Variants in ZNF724 observed in about 807,000 individuals in gnomAD.
ZNF724 encodes zinc finger protein 724, also known as zinc finger protein 724 pseudogene.
ZNF724 carries 14 observed loss-of-function variants against 29.3 expected under a neutral mutation model. The observed-to-expected ratio is 0.48, with a 90% CI of 0.32 to 0.75. The LOEUF (loss-of-function observed/expected upper bound fraction) is 0.75, where lower values mean the gene tolerates loss of function less well. Among genes scored for constraint, ZNF724 ranks in the 30% least tolerant of loss-of-function variants. The probability of loss-of-function intolerance (pLI) is 0.04; values close to 1 mark genes in which losing one functional copy is unlikely to be tolerated. For missense variants in ZNF724, 557 were observed against 571.2 expected, an observed-to-expected ratio of 0.98 and a Z score of 0.25; for synonymous variants, 180 against 193.6, an observed-to-expected ratio of 0.93 and a Z score of 0.58.
At chr19:23,225,406 A>C (rs936848165) in intron 3 of ZNF724, among the ~76,000 whole-genome samples, 1 of 152,128 alleles carries the variant, frequency 6.6e-6, no homozygotes, top group African/African-American at 2.4e-5. Context: ...GGAGTTCCAG[A>C]CCAGCCCGGG....
intron 3 of ZNF724, among the ~76,000 whole-genome samples, chr19:23,225,954 T>C (rs1275612787): frequency 6.6e-6 from 1 of 151,928 alleles, no homozygotes; most frequent in African/African-American, 2.4e-5. Flanking sequence ...CAGCCTCAAG[T>C]AATCCTACCC....
In ZNF724 at chr19:23,237,627, G is replaced by A. The variant is rs576328378; in HGVS notation, c.4-5334C>T. Among the ~76,000 whole-genome samples the A allele has an allele frequency of 8.0e-5, 12 of 150,686 alleles. No homozygotes were observed. The South Asian group carries it at 1.5e-3, about 18-fold the overall frequency. Reference sequence around the variant, plus strand: ...TAGAAAATACCGTATAATTTAGGTCGGGCGCAGTGGCTCATGCCCGTAATC... The same window carrying A: ...TAGAAAATACCGTATAATTTAGGTCAGGCGCAGTGGCTCATGCCCGTAATC... On this transcript the variant is annotated intron_variant, in intron 1 of 3. Coordinates refer to ENST00000418100, the MANE Select transcript of ZNF724 (RefSeq NM_001355404.2).
Position 23,223,554 on chromosome 19 carries a change from A to C in ZNF724, c.691T>G (p.Cys231Gly). 1 of 729,200 alleles carries C rather than the reference A, an allele frequency of 1.4e-6. No individual in the cohort carries two copies. The highest frequency in any genetic ancestry group is 2.5e-6 in the Non-Finnish European group (1 of 392,804). 45.2% of individuals were successfully genotyped at this position (729,200 alleles called of 1,614,324 possible). A position where few individuals can be genotyped will look rare whatever the true frequency, so the allele number is the denominator to read the frequency against. Reference sequence around the variant, plus strand: ...GAGGACTTGTTAAAGGCTATGCCACATTCTTCACATTTGTAGTGTTTTTGT... The same window carrying C: ...GAGGACTTGTTAAAGGCTATGCCACCTTCTTCACATTTGTAGTGTTTTTGT... ...TGQKHYKCEECGIAFNKSSHL... is the reference protein window; with the variant it reads ...TGQKHYKCEEGGIAFNKSSHL... Residue 231 changes from cysteine (C) to glycine (G), a missense_variant, in exon 4 of 4, where the codon TGT becomes GGT. Transcript: ENST00000418100.
intron 1 of ZNF724, among the ~76,000 whole-genome samples, chr19:23,239,117 C>T (rs1389953092): frequency 6.6e-6 from 1 of 152,174 alleles, no homozygotes; most frequent in Non-Finnish European, 1.5e-5. Flanking sequence ...GATTCTGACA[C>T]AATAATAGTG....
chr19:23,231,772 C>G (rs1254364096), intron 2 of ZNF724, among the ~76,000 whole-genome samples: 1 of 151,858 alleles, frequency 6.6e-6, no homozygotes, highest in African/African-American at 2.4e-5. Flanking sequence ...CTCACTCTGC[C>G]ACCCAGGCTG....
At chr19:23,228,553 G>A (rs1426282887) in intron 3 of ZNF724, among the ~76,000 whole-genome samples, 1 of 151,634 alleles carries the variant, frequency 6.6e-6, no homozygotes, top group African/African-American at 2.4e-5. Flanking sequence ...CAAGGAATTC[G>A]AGACCAGCCT....
At chr19:23,227,391 C>T (rs938538911) in intron 3 of ZNF724, among the ~76,000 whole-genome samples, 1 of 151,202 alleles carries the variant, frequency 6.6e-6, no homozygotes, top group African/African-American at 2.4e-5. Flanking sequence ...CCCATCTCTA[C>T]TAAAAATACA....
At chr19:23,233,349 T>C (rs1286888782) in intron 1 of ZNF724, among the ~76,000 whole-genome samples, 1 of 152,230 alleles carries the variant, frequency 6.6e-6, no homozygotes, top group African/African-American at 2.4e-5. Flanking sequence ...CAGAACTTTC[T>C]GAGTAATAAA....
intron 1 of ZNF724, among the ~76,000 whole-genome samples, chr19:23,243,059 G>A (rs73014349): frequency 1.6e-4 from 5 of 30,394 alleles, no homozygotes; most frequent in African/African-American, 1.6e-4. Context: ...AAAAAAAAAA[G>A]AAAGAAAGAA....
chr19:23,249,647 C>T (rs1480893228), intron 1 of ZNF724, among the ~76,000 whole-genome samples: 1 of 152,156 alleles, frequency 6.6e-6, no homozygotes, highest in Non-Finnish European at 1.5e-5. Flanking sequence ...AATCCGCCCA[C>T]CTCGGCCTCC....
Position 23,222,410 on chromosome 19 carries a change from T to A in ZNF724, c.1835A>T (p.His612Leu). 8.4e-7 allele frequency: 1 copy of A among 1,187,584 alleles called. No individual in the cohort carries two copies. The highest frequency in any genetic ancestry group is 1.3e-6 in the Non-Finnish European group (1 of 799,248). 73.6% of individuals were successfully genotyped at this position (1,187,584 alleles called of 1,614,324 possible). Residue 612 changes from histidine (H) to leucine (L), a missense_variant, in exon 4 of 4, where the codon CAT becomes CTT. By Grantham distance (99) the His-to-Leu change is moderately conservative. Transcript: ENST00000418100. ...CSNLTTHKKI[H>L]AVEKSDK is the part of the protein sequence containing the mutation. ...TTATTTGTCAGATTTTTCTACAGCATGAATTTTCTTGTGTGTAGTAAGGTT... is the reference window on the plus strand; with the variant it reads ...TTATTTGTCAGATTTTTCTACAGCAAGAATTTTCTTGTGTGTAGTAAGGTT...
intron 1 of ZNF724, among the ~76,000 whole-genome samples, chr19:23,249,960 T>C (rs570408827): frequency 2.0e-5 from 3 of 152,168 alleles, no homozygotes; most frequent in Non-Finnish European, 2.9e-5. Flanking sequence ...CCCTGCACAA[T>C]CTGGGAGAGA....
chr19:23,243,088 G>A (rs73561352), intron 1 of ZNF724, among the ~76,000 whole-genome samples: 4,098 of 147,762 alleles, frequency 0.028, 168 homozygotes, highest in African/African-American at 0.095. Flanking sequence ...AATATAATAT[G>A]TAAATATCAT....
At chr19:23,237,461 T>C (rs553012400) in intron 1 of ZNF724, among the ~76,000 whole-genome samples, 1 of 152,054 alleles carries the variant, frequency 6.6e-6, no homozygotes, top group Non-Finnish European at 1.5e-5. Flanking sequence ...TTTAATGTAC[T>C]AGTAATAATG....
At chr19:23,249,191 T>C (rs1478737208) in intron 1 of ZNF724, among the ~76,000 whole-genome samples, 2 of 151,990 alleles carry the variant, frequency 1.3e-5, no homozygotes, top group African/African-American at 4.8e-5. Context: ...TGCTCTAAAA[T>C]TTTTGAACCA....
intron 1 of ZNF724, among the ~76,000 whole-genome samples, chr19:23,235,570 A>G (rs1475793388): frequency 6.6e-6 from 1 of 152,206 alleles, no homozygotes; most frequent in African/African-American, 2.4e-5. Context: ...CACCAGCTCT[A>G]AAAATTTAAC....
At chr19:23,243,288 G>T (rs1205359816) in intron 1 of ZNF724, among the ~76,000 whole-genome samples, 3 of 150,984 alleles carry the variant, frequency 2.0e-5, no homozygotes, top group Non-Finnish European at 4.4e-5. Flanking sequence ...GACCAGCCTG[G>T]CCAACATGGT....
rs1015674831 is a variant in ZNF724 at position 23,228,474 on chromosome 19, G to A, written c.226+2792C>T. On this transcript the variant is annotated intron_variant, in intron 3 of 3. Transcript: ENST00000418100. ...CGTCTCAAAAAAAAAAAAAAAGGCTGGGCGCAGTGGCTTATGCCTGTAATC... is the reference window on the plus strand; with the variant it reads ...CGTCTCAAAAAAAAAAAAAAAGGCTAGGCGCAGTGGCTTATGCCTGTAATC... Among the ~76,000 whole-genome samples, 8 of 149,308 alleles carry A rather than the reference G, an allele frequency of 5.4e-5. 1 individual carries two copies. The highest frequency in any genetic ancestry group is 1.2e-4 in the African/African-American group (5 of 40,840).
At chr19:23,226,319 G>T (rs1188803637) in intron 3 of ZNF724, among the ~76,000 whole-genome samples, 1 of 152,102 alleles carries the variant, frequency 6.6e-6, no homozygotes. Flanking sequence ...CCAAAGTGCT[G>T]GGATTACAGG....
Sources: allele counts gnomAD v4.1 joint callset (sites outside exome capture counted in the v4.1 genomes callset), GRCh38; gene constraint gnomAD v4.1.1; transcripts MANE v1.5; gene names NCBI Gene and HGNC (gene_info 2026-07-23, HGNC 2026-07-21).